Variants in DNAH14 observed in about 807,000 individuals in gnomAD.
DNAH14 encodes the protein dynein axonemal heavy chain 14.
A neutral mutation model predicts 520.9 loss-of-function variants in DNAH14; 478 were observed. That is an observed-to-expected ratio of 0.92 (90% confidence interval 0.85 to 0.99). The LOEUF is 0.99. Among genes scored for constraint, DNAH14 ranks in the 50% least tolerant of loss-of-function variants. The pLI is 0.00. For synonymous variants in DNAH14, 1,581 were observed against 1,757.2 expected (o/e 0.90, Z 2.51); for missense variants, 4,831 against 5,234.5 (o/e 0.92, Z 2.38).
At chr1:224,951,606 A>G (rs1350510941) in intron 1 of DNAH14, among the ~76,000 whole-genome samples, 1 of 137,052 alleles carries the variant, frequency 7.3e-6, no homozygotes, top group Non-Finnish European at 1.6e-5. Context: ...CATTGATGTT[A>G]TAGTTGTCAG....
At chr1:225,114,355 C>A (rs2076705407) in intron 23 of DNAH14, among the ~76,000 whole-genome samples, 1 of 152,086 alleles carries the variant, frequency 6.6e-6, no homozygotes, top group African/African-American at 2.4e-5. Context: ...GAGCCAGTAT[C>A]CAAGTTGGAA....
chr1:225,315,292 T>G (rs771682472), intron 60 of DNAH14, among the ~76,000 whole-genome samples: 3 of 151,854 alleles, frequency 2.0e-5, no homozygotes, highest in Non-Finnish European at 4.4e-5. Flanking sequence ...CTCCATCAGG[T>G]CATTTATGTT....
chr1:225,018,647 T>C (rs184799768), intron 10 of DNAH14, among the ~76,000 whole-genome samples: 1 of 152,092 alleles, frequency 6.6e-6, no homozygotes, highest in Admixed American at 6.6e-5. Context: ...TAAAGGGAGT[T>C]AGAGAGAAGG....
intron 78 of DNAH14, among the ~76,000 whole-genome samples, chr1:225,375,480 A>G (rs1302587630): frequency 6.6e-6 from 1 of 152,214 alleles, no homozygotes; most frequent in African/African-American, 2.4e-5. Context: ...TGGAAGATGA[A>G]AAGGAAGACG....
At chr1:225,071,048 C>T (rs1466824533) in intron 17 of DNAH14, among the ~76,000 whole-genome samples, 1 of 152,132 alleles carries the variant, frequency 6.6e-6, no homozygotes, top group Non-Finnish European at 1.5e-5. Context: ...TTTCTTTCCT[C>T]CTTTTATTTT....
chr1:225,131,465 A>G (rs569099350), intron 27 of DNAH14, among the ~76,000 whole-genome samples: 14 of 152,274 alleles, frequency 9.2e-5, no homozygotes, highest in Admixed American at 3.3e-4. Context: ...CTTTCTGACT[A>G]TTCTTCAGTA....
intron 81 of DNAH14, among the ~76,000 whole-genome samples, chr1:225,388,168 G>A (rs1046907692): frequency 2.0e-5 from 3 of 152,186 alleles, no homozygotes; most frequent in South Asian, 2.1e-4. Context: ...GCTTCCAAGC[G>A]TTTTATCCAA....
intron 21 of DNAH14, among the ~76,000 whole-genome samples, chr1:225,089,515 G>A (rs1035614818): frequency 1.3e-5 from 2 of 148,978 alleles, no homozygotes; most frequent in Admixed American, 1.3e-4. Context: ...ATTTAGAAAG[G>A]AGATATTTAA....
chr1:225,084,757 G>C (rs944560246), intron 20 of DNAH14, among the ~76,000 whole-genome samples: 1 of 22,606 alleles, frequency 4.4e-5, no homozygotes, highest in Admixed American at 5.5e-4. Context: ...CTATTTGTCA[G>C]TCAGGTCCCA....
chr1:225,178,627 A>T (rs1303796102), intron 36 of DNAH14, among the ~76,000 whole-genome samples: 1 of 152,170 alleles, frequency 6.6e-6, no homozygotes, highest in African/African-American at 2.4e-5. Context: ...TTTTGATTTT[A>T]CAAGCCCATA....
Position 225,069,291 on chromosome 1 carries a change from A to G in DNAH14, c.2425-9916A>G, listed in dbSNP as rs182327757. ...ACATCCTTTTCTTCTGCCAGTTTTTAAGGGGAATGCTTCCTGCTTTTGCCC... is the reference window on the plus strand; with the variant it reads ...ACATCCTTTTCTTCTGCCAGTTTTTGAGGGGAATGCTTCCTGCTTTTGCCC... On this transcript the variant is annotated intron_variant, in intron 17 of 85. Transcript: ENST00000682510. Among the ~76,000 whole-genome samples the G allele has an allele frequency of 5.9e-5, 9 of 152,276 alleles. No homozygotes were observed. The East Asian group carries it at 1.7e-3, about 29-fold the overall frequency.
intron 71 of DNAH14, among the ~76,000 whole-genome samples, chr1:225,347,418 G>C (rs997579701): frequency 2.6e-5 from 4 of 152,092 alleles, no homozygotes; most frequent in Admixed American, 1.3e-4. Flanking sequence ...CCTCTTTGTG[G>C]TATAATGTGG....
rs898382782 is a variant in DNAH14, at chr1:225,207,015, GA to G, written c.6238del (p.Thr2080LeufsTer5). The G allele has an allele frequency of 2.6e-6, 4 of 1,544,206 alleles. No homozygotes were observed. Among genetic ancestry groups the G allele is most frequent in the Non-Finnish European group, 3.5e-6 (4 of 1,143,854 alleles). The stretch of plus-strand genomic sequence containing the variant: ...AACCTTATGTTAAGTCATGGCTTCT[GA>G]AAACTTCTAAAATTATAAGTCAATC... ...WEPYVKSWLL[K>X]TSKIISQSGV... is the part of the protein sequence containing the mutation. On this transcript the variant is annotated frameshift_variant, in exon 41 of 86. Coordinates refer to ENST00000682510, the MANE Select transcript of DNAH14 (RefSeq NM_001367479.1). LOFTEE classifies it high-confidence loss of function.
At chr1:225,138,677 C>T (rs1321199819) in intron 27 of DNAH14, among the ~76,000 whole-genome samples, 3 of 152,100 alleles carry the variant, frequency 2.0e-5, no homozygotes, top group East Asian at 1.9e-4. Flanking sequence ...TGCAAAGATT[C>T]GTGGGAAAAG....
chr1:225,272,155 AGGGG>A, intron 51 of DNAH14, 82 bp downstream of exon 51: 3 of 1,294,806 alleles, frequency 2.3e-6, no homozygotes, highest in Non-Finnish European at 1.1e-6. Flanking sequence ...GATTGTTAGA[AGGGG>A]AAAAAAGGGA....
intron 28 of DNAH14, among the ~76,000 whole-genome samples, 183 bp from the exon 29 acceptor site, chr1:225,144,214 A>T (rs2079711246): frequency 6.6e-6 from 1 of 152,302 alleles, no homozygotes; most frequent in African/African-American, 2.4e-5. Context: ...CTACTATTTC[A>T]TACCTAATAT....
chr1:224,959,657 G>C (rs1433639395), intron 3 of DNAH14, among the ~76,000 whole-genome samples: 1 of 151,964 alleles, frequency 6.6e-6, no homozygotes, highest in African/African-American at 2.4e-5. Context: ...TTACTTTTCT[G>C]TATTTATCTC....
At chr1:225,163,943 G>T (rs1037780169) in intron 35 of DNAH14, among the ~76,000 whole-genome samples, 1 of 151,990 alleles carries the variant, frequency 6.6e-6, no homozygotes, top group Non-Finnish European at 1.5e-5. Flanking sequence ...ATGTATCAGG[G>T]TTTCCTATAT....
In DNAH14 at chr1:225,085,648, T is replaced by C; in HGVS notation, c.3432T>C (p.Thr1144=). The C allele has an allele frequency of 1.3e-6, 2 of 1,551,312 alleles. No homozygotes were observed. Among genetic ancestry groups the C allele is most frequent in the Non-Finnish European group, 8.7e-7 (1 of 1,146,778 alleles). ...AGATTATTGATTTTTGGAACACTAC[T>C]CCTTTGCCTTTAATTCTTCACCACA... ...LFKIIDFWNT[T]PLPLILHHTE... Residue 1144 remains threonine (T), a synonymous_variant, in exon 21 of 86, where the codon ACT becomes ACC. Transcript: ENST00000682510.
Sources: allele counts gnomAD v4.1 joint callset (sites outside exome capture counted in the v4.1 genomes callset), GRCh38; gene constraint gnomAD v4.1.1; transcripts MANE v1.5; gene names NCBI Gene and HGNC (gene_info 2026-07-23, HGNC 2026-07-21).